ADGRL2: variants seen among roughly 807,000 people sequenced by gnomAD.
ADGRL2 encodes calcium-independent alpha-latrotoxin receptor 2.
In ADGRL2, 44 loss-of-function variants were observed where a neutral mutation model predicts 157.4. That is an observed-to-expected ratio of 0.28 (90% CI 0.22 to 0.36). The LOEUF (loss-of-function observed/expected upper bound fraction) is 0.36, where lower values mean the gene tolerates loss of function less well. Among genes scored for constraint, ADGRL2 ranks in the 10% least tolerant of loss-of-function variants. The pLI, the probability that ADGRL2 is intolerant of heterozygous loss-of-function variation, is 1.00. For missense variants in ADGRL2, 1,510 were observed against 1,768.9 expected (o/e 0.85, Z 2.63); for synonymous variants, 585 against 624.7 (o/e 0.94, Z 0.95).
At chr1:81,373,960 AATTAATCACATCAC>A (rs1210076275) in intron 1 of ADGRL2, among the ~76,000 whole-genome samples, 3 of 152,198 alleles carry the variant, frequency 2.0e-5, no homozygotes, top group Non-Finnish European at 4.4e-5. Context: ...TAGGTCCAAA[AATTAATCACATCAC>A]ATAAATCTTA....
At chr1:81,403,082 A>C (rs1429392825) in intron 1 of ADGRL2, among the ~76,000 whole-genome samples, 2 of 152,210 alleles carry the variant, frequency 1.3e-5, no homozygotes, top group African/African-American at 4.8e-5. Context: ...CAGTTGAGAG[A>C]AGGCCTAACC....
chr1:81,512,167 A>G (rs2079091724), intron 2 of ADGRL2, among the ~76,000 whole-genome samples: 1 of 152,234 alleles, frequency 6.6e-6, no homozygotes, highest in African/African-American at 2.4e-5. Context: ...ATTAAAAAAA[A>G]AGATGAGAGA....
At chr1:81,630,750 T>C (rs1351171849) in intron 3 of ADGRL2, among the ~76,000 whole-genome samples, 2 of 152,126 alleles carry the variant, frequency 1.3e-5, no homozygotes, top group Non-Finnish European at 2.9e-5. Context: ...AGGCTACAAG[T>C]TTAAAGTTTG....
chr1:81,817,007 T>G (rs1223479910), intron 1 of ADGRL2, among the ~76,000 whole-genome samples: 1 of 151,728 alleles, frequency 6.6e-6, no homozygotes, highest in Non-Finnish European at 1.5e-5. Context: ...GCACAGCCTT[T>G]TTACATGCAT....
At chr1:81,430,110 T>C (rs1398111480) in intron 1 of ADGRL2, among the ~76,000 whole-genome samples, 2 of 152,082 alleles carry the variant, frequency 1.3e-5, no homozygotes, top group African/African-American at 4.8e-5. Flanking sequence ...TCAGGCTGGT[T>C]TCGAACTCCC....
chr1:81,683,543 GT>G (rs2083163893), intron 3 of ADGRL2, among the ~76,000 whole-genome samples: 1 of 152,138 alleles, frequency 6.6e-6, no homozygotes, highest in Non-Finnish European at 1.5e-5. Context: ...AACATACGAT[GT>G]TTGATTTTCC....
intron 1 of ADGRL2, among the ~76,000 whole-genome samples, chr1:81,412,693 T>A (rs2076967106): frequency 6.6e-6 from 1 of 152,204 alleles, no homozygotes; most frequent in South Asian, 2.1e-4. Flanking sequence ...AAGAAAATAA[T>A]TGATAAATAC....
intron 2 of ADGRL2, among the ~76,000 whole-genome samples, chr1:81,845,540 A>C (rs1191501222): frequency 3.3e-5 from 5 of 152,052 alleles, no homozygotes; most frequent in Admixed American, 3.3e-4. Flanking sequence ...TCTGATTATA[A>C]ATTAAATTTG....
intron 1 of ADGRL2, among the ~76,000 whole-genome samples, chr1:81,369,154 G>A (rs947455710): frequency 6.6e-6 from 1 of 152,040 alleles, no homozygotes; most frequent in Non-Finnish European, 1.5e-5. Flanking sequence ...GAGATTGAAA[G>A]ATACATTGAG....
chr1:81,692,147 C>T (rs920456702), intron 3 of ADGRL2, among the ~76,000 whole-genome samples: 1 of 151,796 alleles, frequency 6.6e-6, no homozygotes, highest in African/African-American at 2.4e-5. Flanking sequence ...TGGCTCACGC[C>T]TGTAATCCTA....
intron 1 of ADGRL2, among the ~76,000 whole-genome samples, chr1:81,321,824 C>T (rs1660521128): frequency 7.8e-6 from 1 of 128,988 alleles, no homozygotes; most frequent in Admixed American, 8.5e-5. Flanking sequence ...GAAGTGATTA[C>T]ATGCTGTTGA....
intron 3 of ADGRL2, among the ~76,000 whole-genome samples, chr1:81,609,186 C>A (rs934918299): frequency 3.3e-5 from 5 of 151,906 alleles, no homozygotes; most frequent in African/African-American, 4.8e-5. Context: ...GTTACAGCTG[C>A]GTGCCACCAC....
intron 1 of ADGRL2, among the ~76,000 whole-genome samples, chr1:81,386,409 T>C (rs1209457084): frequency 6.6e-6 from 1 of 152,172 alleles, no homozygotes; most frequent in Non-Finnish European, 1.5e-5. Context: ...TTTTGTATTA[T>C]GCACCAATAC....
chr1:81,763,126 C>A (rs1308627705), intron 2 of ADGRL2, among the ~76,000 whole-genome samples: 1 of 149,542 alleles, frequency 6.7e-6, no homozygotes, highest in Non-Finnish European at 1.5e-5. Flanking sequence ...TGTCTTAATT[C>A]TTCATTTTTT....
At chr1:81,608,923 G>T (rs185459906) in intron 3 of ADGRL2, among the ~76,000 whole-genome samples, 4 of 152,072 alleles carry the variant, frequency 2.6e-5, no homozygotes, top group African/African-American at 9.7e-5. Flanking sequence ...TCAGGCTCTG[G>T]TCAAGACTCT....
At chr1:81,584,906 G>T (rs2080993433) in intron 3 of ADGRL2, among the ~76,000 whole-genome samples, 1 of 152,026 alleles carries the variant, frequency 6.6e-6, no homozygotes, top group Non-Finnish European at 1.5e-5. Context: ...TATTTTCTTG[G>T]GGCATTAGGA....
intron 17 of ADGRL2, 116 bp downstream of exon 17, chr1:81,972,034 G>T (rs992221739): frequency 3.8e-6 from 2 of 531,138 alleles, no homozygotes; most frequent in African/African-American, 1.9e-5. Context: ...TTATAAATAT[G>T]CCTGTCTCAC....
At chr1:81,864,426 C>T (rs1049354832) in intron 2 of ADGRL2, among the ~76,000 whole-genome samples, 9 of 151,866 alleles carry the variant, frequency 5.9e-5, no homozygotes, top group Non-Finnish European at 1.0e-4. Flanking sequence ...CTTTCCCCAC[C>T]CCCAAATAGC....
At chr1:81,606,988 G>A (rs193291067) in intron 3 of ADGRL2, among the ~76,000 whole-genome samples, 2 of 152,248 alleles carry the variant, frequency 1.3e-5, no homozygotes, top group Admixed American at 6.5e-5. Flanking sequence ...CTTTCATGAA[G>A]TGAATCATTT....
Sources: gnomAD v4.1 joint callset for allele counts (sites outside exome capture counted in the v4.1 genomes callset) on GRCh38, gnomAD v4.1.1 for gene constraint, MANE v1.5 for transcripts, NCBI Gene and HGNC (gene_info 2026-07-23, HGNC 2026-07-21) for gene names.